The following MARVELD3 variants were observed in gnomAD, a reference collection of about 807,000 sequenced individuals.
The protein encoded by MARVELD3 is MARVEL domain containing 3, also known as MARVEL domain-containing protein 3.
MARVELD3 carries 28 observed loss-of-function variants against 33.5 expected under a neutral mutation model. That is an observed-to-expected ratio of 0.84 (90% CI 0.62 to 1.15). The LOEUF is 1.15. Among genes scored for constraint, MARVELD3 ranks in the 50% most tolerant of loss-of-function variants. The pLI is 0.00. For missense variants in MARVELD3, 582 were observed against 547.6 expected (o/e 1.06, Z -0.63); for synonymous variants, 241 against 230.4 (o/e 1.05, Z -0.42).
intron 1 of MARVELD3, among the ~76,000 whole-genome samples, chr16:71,627,264 A>T (rs2044483566): frequency 6.6e-6 from 1 of 152,232 alleles, no homozygotes; most frequent in African/African-American, 2.4e-5. Context: ...ACACTTTGGG[A>T]GGCCGAGGCG....
At chr16:71,640,954 G>A (rs762726448), downstream of MARVELD3, 7 of 1,613,912 alleles carry the variant, frequency 4.3e-6, no homozygotes, top group Middle Eastern at 1.6e-4. Context: ...GAACAGAAGC[G>A]CTACAAAGGC....
rs1324906902 is a variant in MARVELD3 at position 71,626,577 on chromosome 16, G to A, written c.348G>A (p.Arg116=). The A allele has an allele frequency of 6.5e-7, 1 of 1,546,566 alleles. No homozygotes were observed. Among genetic ancestry groups the A allele is most frequent in the South Asian group, 1.2e-5 (1 of 84,034 alleles). The change falls in exon 1 of 3, where the codon CGG becomes CGA. Residue 116 remains arginine (R), a synonymous_variant. Transcript: ENST00000268485. This position sits in a 1 kb window ranked among gnomAD's most constrained non-coding sequence, Gnocchi z 5.3. ...VWEKPRQSRT[R]DGARGLTWDA... is the part of the protein sequence containing the mutation. Reference sequence around the variant, plus strand: ...AAAAACCGCGCCAAAGCCGGACGCGGGACGGAGCCCGGGGACTGACCTGGG... The same window carrying A: ...AAAAACCGCGCCAAAGCCGGACGCGAGACGGAGCCCGGGGACTGACCTGGG...
At chr16:71,633,194 T>C (rs2044549285) in intron 2 of MARVELD3, among the ~76,000 whole-genome samples, 1 of 151,710 alleles carries the variant, frequency 6.6e-6, no homozygotes, top group South Asian at 2.1e-4. Flanking sequence ...AAGACCTTTA[T>C]CACGAGAAAA....
chr16:71,640,264 CA>C (rs370433791), downstream of MARVELD3: 139,419 of 834,666 alleles, frequency 0.17, 26 homozygotes, highest in South Asian at 0.19. Flanking sequence ...GACACCGTCT[CA>C]AAAAAAAAAA....
chr16:71,629,858 A>C (rs976523823), intron 2 of MARVELD3, among the ~76,000 whole-genome samples: 1 of 152,084 alleles, frequency 6.6e-6, no homozygotes, highest in Non-Finnish European at 1.5e-5. Context: ...ATTAACAGAG[A>C]GGGAAAGTCA....
Position 71,626,498 on chromosome 16 carries a change from G to C in MARVELD3, c.269G>C (p.Arg90Pro). The C allele has an allele frequency of 6.5e-7, 1 of 1,549,808 alleles. No homozygotes were observed. The highest frequency in any genetic ancestry group is 8.7e-7 in the Non-Finnish European group (1 of 1,146,826). The change falls in exon 1 of 3, where the codon CGC (arginine) becomes CCC (proline). Residue 90 changes from arginine to proline, a missense_variant. By Grantham distance (103) the Arg-to-Pro change is moderately radical. Transcript: ENST00000268485. The surrounding 1 kb of genome is among the most constrained non-coding windows in gnomAD (Gnocchi z 5.3). ...GAAAGAGACCCGGACCGAGGCCCCCGCCGGGACACACACAGGGACGCGGGC... is the reference window on the plus strand; with the variant it reads ...GAAAGAGACCCGGACCGAGGCCCCCCCCGGGACACACACAGGGACGCGGGC... ...ERERDPDRGP[R>P]RDTHRDAGPR...
chr16:71,626,672 A>C lies in MARVELD3; in HGVS notation c.443A>C (p.Asp148Ala). The C allele has an allele frequency of 6.6e-7, 1 of 1,512,166 alleles. No homozygotes were observed. Among genetic ancestry groups the C allele is most frequent in the Non-Finnish European group, 8.8e-7 (1 of 1,135,150 alleles). The allele number at this position is 1,512,166 out of a possible 1,614,324, so 93.7% of individuals were successfully genotyped here. A position where few individuals can be genotyped will look rare whatever the true frequency, so the allele number is the denominator to read the frequency against. Residue 148 changes from aspartate (D) to alanine (A), a missense_variant, in exon 1 of 3, where the codon GAC (aspartate) becomes GCC (alanine). Physicochemically the swap from Asp to Ala is moderately radical, Grantham distance 126 (BLOSUM62 -2). Coordinates refer to ENST00000268485, the MANE Select transcript of MARVELD3 (RefSeq NM_052858.6). The surrounding 1 kb of genome is among the most constrained non-coding windows in gnomAD (Gnocchi z 5.3). ...CCGCCGCAGCCGCAGAGGAAGGGAGACCCCGGGCGCCGCAGACCCGAAAGG... is the reference window on the plus strand; with the variant it reads ...CCGCCGCAGCCGCAGAGGAAGGGAGCCCCCGGGCGCCGCAGACCCGAAAGG... ...PEPPQPQRKG[D>A]PGRRRPESEP... is the part of the protein sequence containing the mutation.
chr16:71,626,520 G>C lies in MARVELD3; in HGVS notation c.291G>C (p.Ala97=), dbSNP rs1268042969. The change falls in exon 1 of 3, where the codon GCG becomes GCC. Residue 97 remains alanine (A), a synonymous_variant. Coordinates refer to ENST00000268485, the MANE Select transcript of MARVELD3 (RefSeq NM_052858.6). This position sits in a 1 kb window ranked among gnomAD's most constrained non-coding sequence, Gnocchi z 5.3. ...RGPRRDTHRD[A]GPRAGEHGVW... ...CCCGCCGGGACACACACAGGGACGC[G>C]GGCCCTCGCGCAGGTGAACACGGAG... 1 of 1,549,714 alleles carries C rather than the reference G, an allele frequency of 6.5e-7. No homozygotes were observed. The highest frequency in any genetic ancestry group is 8.7e-7 in the Non-Finnish European group (1 of 1,146,776).
chr16:71,626,822 T>G lies in MARVELD3; in HGVS notation c.467+126T>G. 1.2e-6 allele frequency: 1 copy of G among 832,354 alleles called. No individual in the cohort carries two copies. The highest frequency in any genetic ancestry group is 3.2e-5 in the East Asian group (1 of 31,014). 51.6% of individuals were successfully genotyped at this position (832,354 alleles called of 1,614,324 possible). A position where few individuals can be genotyped will look rare whatever the true frequency, so the allele number is the denominator to read the frequency against. ...CGTTTAAATGAACAAATGCCGTTTC[T>G]CCCTTCTGCGCTCTCAGAGGCGACC... On this transcript the variant is annotated intron_variant, in intron 1 of 2. Transcript: ENST00000268485. The surrounding 1 kb of genome is among the most constrained non-coding windows in gnomAD (Gnocchi z 5.3).
chr16:71,636,144 C>T lies in MARVELD3; in HGVS notation c.*1341C>T, dbSNP rs1021521569. 1.6e-5 allele frequency: 16 copies of T among 984,972 alleles called. No individual in the cohort carries two copies. The highest frequency in any genetic ancestry group is 1.2e-4 in the Admixed American group (2 of 16,244). The allele number at this position is 984,972 out of a possible 1,614,324, so 61.0% of individuals were successfully genotyped here. On this transcript the variant is annotated 3_prime_UTR_variant, in exon 3 of 3. Transcript: ENST00000268485. ...CTTATGGAACATTACAATATATTCTCGGTCCAAGTGAGTAAGTTCTTTGCT... is the reference window on the plus strand; with the variant it reads ...CTTATGGAACATTACAATATATTCTTGGTCCAAGTGAGTAAGTTCTTTGCT...
chr16:71,626,825 C>A lies in MARVELD3; in HGVS notation c.467+129C>A. ...TTAAATGAACAAATGCCGTTTCTCC[C>A]TTCTGCGCTCTCAGAGGCGACCTGG... On this transcript the variant is annotated intron_variant, in intron 1 of 2. Transcript: ENST00000268485. This position sits in a 1 kb window ranked among gnomAD's most constrained non-coding sequence, Gnocchi z 5.3. The A allele has an allele frequency of 1.2e-6, 1 of 810,948 alleles. No individual in the cohort carries two copies. The highest frequency in any genetic ancestry group is 1.8e-6 in the Non-Finnish European group (1 of 568,656). 50.2% of individuals were successfully genotyped at this position (810,948 alleles called of 1,614,324 possible).
At chr16:71,636,648 TG>T (rs1395214115), downstream of MARVELD3, among the ~76,000 whole-genome samples, 2 of 152,194 alleles carry the variant, frequency 1.3e-5, no homozygotes, top group Non-Finnish European at 2.9e-5. Context: ...TGGAGTGCAG[TG>T]GTGGGATCTC....
Position 71,626,666 on chromosome 16 carries a change from AGGGAGACCCCGGGCGCCGC to A in MARVELD3, c.438_456del (p.Gly147AspfsTer56). 6.6e-7 allele frequency: 1 copy of A among 1,521,102 alleles called. No individual in the cohort carries two copies. Among genetic ancestry groups the A allele is most frequent in the Non-Finnish European group, 8.8e-7 (1 of 1,138,702 alleles). The allele number at this position is 1,521,102 out of a possible 1,614,324, so 94.2% of individuals were successfully genotyped here. ...CCGGAGCCGCCGCAGCCGCAGAGGAAGGGAGACCCCGGGCGCCGCAGACCCGAAAGGTGAGAGGGGCCGG... is the reference window on the plus strand; with the variant it reads ...CCGGAGCCGCCGCAGCCGCAGAGGAAAGACCCGAAAGGTGAGAGGGGCCGG... On this transcript the variant is annotated frameshift_variant, in exon 1 of 3. Coordinates refer to ENST00000268485, the MANE Select transcript of MARVELD3 (RefSeq NM_052858.6). LOFTEE classifies it high-confidence loss of function. The surrounding 1 kb of genome is among the most constrained non-coding windows in gnomAD (Gnocchi z 5.3).
chr16:71,640,951 A>G, downstream of MARVELD3: 1 of 1,614,002 alleles, frequency 6.2e-7, no homozygotes, highest in Admixed American at 1.7e-5. Context: ...CGAGAACAGA[A>G]GCGCTACAAA....
downstream of MARVELD3, among the ~76,000 whole-genome samples, chr16:71,636,942 T>C (rs958765510): frequency 1.3e-5 from 2 of 152,198 alleles, no homozygotes; most frequent in Non-Finnish European, 2.9e-5. Context: ...GGATCTCTGC[T>C]TCCCTCTACC....
chr16:71,640,290 G>T, downstream of MARVELD3: 364 of 1,149,460 alleles, frequency 3.2e-4, no homozygotes, highest in Non-Finnish European at 4.2e-4. Context: ...AGTTGACATT[G>T]AATCAACCAC....
Position 71,626,572 on chromosome 16 carries a change from A to T in MARVELD3, c.343A>T (p.Thr115Ser). 6.5e-7 allele frequency: 1 copy of T among 1,547,202 alleles called. No individual in the cohort carries two copies. Among genetic ancestry groups the T allele is most frequent in the Non-Finnish European group, 8.7e-7 (1 of 1,146,752 alleles). Reference protein sequence around the residue: ...GVWEKPRQSRTRDGARGLTWD... With the variant: ...GVWEKPRQSRSRDGARGLTWD... ...TTGGGAAAAACCGCGCCAAAGCCGG[A>T]CGCGGGACGGAGCCCGGGGACTGAC... is the stretch of plus-strand genomic sequence containing the variant. The change falls in exon 1 of 3, where the codon ACG becomes TCG. Residue 115 changes from threonine (T) to serine (S), a missense_variant. Thr to Ser is a moderately conservative substitution (Grantham distance 58). Coordinates refer to ENST00000268485, the MANE Select transcript of MARVELD3 (RefSeq NM_052858.6). The surrounding 1 kb of genome is among the most constrained non-coding windows in gnomAD (Gnocchi z 5.3).
chr16:71,634,481 T>A lies in MARVELD3; in HGVS notation c.884T>A (p.Val295Asp). ...CLFVAMGVLR[V>D]PWHCPLLLVT... The stretch of plus-strand genomic sequence containing the variant: ...TTCGTTGCCATGGGTGTCCTGCGGG[T>A]CCCGTGGCATTGTCCACTGTTGCTG... The change falls in exon 3 of 3, where the codon GTC (valine) becomes GAC (aspartate). Residue 295 changes from valine to aspartate, a missense_variant. Transcript: ENST00000268485. The A allele has an allele frequency of 3.1e-6, 5 of 1,614,178 alleles. No homozygotes were observed. The highest frequency in any genetic ancestry group is 4.2e-6 in the Non-Finnish European group (5 of 1,180,034).
downstream of MARVELD3, chr16:71,640,903 T>C (rs767496976): frequency 3.4e-5 from 55 of 1,614,054 alleles, no homozygotes; most frequent in Middle Eastern, 1.6e-4. Context: ...CTCGTGATCA[T>C]GTACGGCGCC....
Sources: allele counts gnomAD v4.1 joint callset (sites outside exome capture counted in the v4.1 genomes callset), GRCh38; gene constraint gnomAD v4.1.1; non-coding constraint Gnocchi (gnomAD v3.1); transcripts MANE v1.5; gene names NCBI Gene and HGNC (gene_info 2026-07-23, HGNC 2026-07-21).